CHRM3: variants seen among roughly 807,000 people sequenced by gnomAD.
CHRM3 encodes the protein muscarinic acetylcholine receptor M3.
CHRM3 carries 11 observed loss-of-function variants against 41.8 expected under a neutral mutation model. The observed-to-expected ratio is 0.26, with a 90% CI of 0.17 to 0.44. The LOEUF (loss-of-function observed/expected upper bound fraction) is 0.44. CHRM3 is among the 20% of genes least tolerant of loss of function. The pLI is 1.00. For missense variants in CHRM3, 571 were observed against 745.4 expected (o/e 0.77, Z 2.72); for synonymous variants, 297 against 301.4 (o/e 0.99, Z 0.15).
intron 3 of CHRM3, among the ~76,000 whole-genome samples, chr1:239,618,810 C>G (rs1668009733): frequency 7.2e-6 from 1 of 139,776 alleles, no homozygotes; most frequent in Admixed American, 7.3e-5. Flanking sequence ...CGCCCCTGCA[C>G]TCCAGCCTGG....
intron 2 of CHRM3, among the ~76,000 whole-genome samples, chr1:239,496,211 G>C (rs915084339): frequency 2.6e-5 from 4 of 152,096 alleles, no homozygotes; most frequent in Non-Finnish European, 4.4e-5. Context: ...GGTATCATCT[G>C]AGTATAGTCT....
chr1:239,819,144 A>C (rs957262225), intron 5 of CHRM3, among the ~76,000 whole-genome samples: 1 of 152,156 alleles, frequency 6.6e-6, no homozygotes, highest in African/African-American at 2.4e-5. Flanking sequence ...TCCCTGGCCA[A>C]GCAGATAGAT....
intron 4 of CHRM3, among the ~76,000 whole-genome samples, chr1:239,633,033 C>T (rs535708883): frequency 1.1e-4 from 17 of 152,294 alleles, no homozygotes; most frequent in African/African-American, 1.9e-4. Flanking sequence ...AGTGCAGTGG[C>T]GCCATCTCAG....
At chr1:239,529,998 C>T (rs982096411) in intron 2 of CHRM3, among the ~76,000 whole-genome samples, 1 of 151,906 alleles carries the variant, frequency 6.6e-6, no homozygotes, top group African/African-American at 2.4e-5. Flanking sequence ...CCCAGGTTCA[C>T]GCCATTATCC....
chr1:239,591,020 G>A (rs939904356), intron 3 of CHRM3, among the ~76,000 whole-genome samples: 1 of 152,148 alleles, frequency 6.6e-6, no homozygotes, highest in Non-Finnish European at 1.5e-5. Flanking sequence ...AAGTGTTAAT[G>A]CTCATTATGC....
At chr1:239,753,199 G>T (rs912430006) in intron 5 of CHRM3, among the ~76,000 whole-genome samples, 9 of 152,232 alleles carry the variant, frequency 5.9e-5, no homozygotes, top group African/African-American at 2.2e-4. Context: ...GTATAGATAG[G>T]TCATTATAAC....
At chr1:239,543,566 G>C (rs941448224) in intron 2 of CHRM3, among the ~76,000 whole-genome samples, 16 of 151,202 alleles carry the variant, frequency 1.1e-4, no homozygotes, top group African/African-American at 3.4e-4. Flanking sequence ...GGAGTGCAGT[G>C]GTGCGATCTC....
chr1:239,747,272 A>G (rs7537514), intron 5 of CHRM3, among the ~76,000 whole-genome samples: 58,276 of 152,070 alleles, frequency 0.38, 11,711 homozygotes, highest in Middle Eastern at 0.5. Context: ...AGCACCCACT[A>G]TCTGCCAGGC....
At chr1:239,799,206 C>T (rs375634215) in intron 5 of CHRM3, among the ~76,000 whole-genome samples, 3 of 152,072 alleles carry the variant, frequency 2.0e-5, no homozygotes, top group Non-Finnish European at 2.9e-5. Context: ...GCCAATGGAC[C>T]GGGAACTTAA....
At chr1:239,801,305 T>A (rs1670195254) in intron 5 of CHRM3, among the ~76,000 whole-genome samples, 1 of 152,182 alleles carries the variant, frequency 6.6e-6, no homozygotes, top group African/African-American at 2.4e-5. Context: ...TCAGCTACAG[T>A]GATTTAGGGC....
At chr1:239,478,150 G>T (rs1666589549) in intron 1 of CHRM3, among the ~76,000 whole-genome samples, 1 of 152,212 alleles carries the variant, frequency 6.6e-6, no homozygotes, top group Admixed American at 6.5e-5. Flanking sequence ...CTGGTGCTAA[G>T]TTCCCAAGTT....
intron 3 of CHRM3, among the ~76,000 whole-genome samples, chr1:239,606,700 C>CT (rs1328971990): frequency 6.6e-6 from 1 of 152,264 alleles, no homozygotes; most frequent in Admixed American, 6.5e-5. Context: ...TCCTGGTACT[C>CT]TAAGTTGATT....
chr1:239,792,665 A>G (rs536071), intron 5 of CHRM3, among the ~76,000 whole-genome samples: 55,728 of 152,104 alleles, frequency 0.37, 10,303 homozygotes, highest in Admixed American at 0.39. Flanking sequence ...GTGTTCAAAT[A>G]AAGTTATAGG....
In CHRM3 at chr1:239,908,626, C is replaced by A. The variant is rs1428536029; in HGVS notation, c.1175C>A (p.Pro392His). 3.1e-6 allele frequency: 5 copies of A among 1,610,466 alleles called. No homozygotes were observed. Among genetic ancestry groups the A allele is most frequent in the Non-Finnish European group, 4.2e-6 (5 of 1,178,384 alleles). ...CCCTCATCGGACAACCTGCAGGTGCCTGAGGAGGAGCTGGGGATGGTGGAC... is the reference window on the plus strand; with the variant it reads ...CCCTCATCGGACAACCTGCAGGTGCATGAGGAGGAGCTGGGGATGGTGGAC... ...KLPSSDNLQVPEEELGMVDLE... is the reference protein window; with the variant it reads ...KLPSSDNLQVHEEELGMVDLE... Residue 392 changes from proline to histidine, a missense_variant, in exon 7 of 7, where the codon CCT (proline) becomes CAT (histidine). Pro to His is a moderately conservative substitution (Grantham distance 77, BLOSUM62 -2). Transcript: ENST00000676153. The surrounding 1 kb of genome is among the most constrained non-coding windows in gnomAD (Gnocchi z 7.2).
rs539060579 is a variant in CHRM3, at chr1:239,481,609, G to A, written c.-520-11100G>A. Among the ~76,000 whole-genome samples, 6 of 152,262 alleles carry A rather than the reference G, an allele frequency of 3.9e-5. No homozygotes were observed. The South Asian group carries it at 1.2e-3, about 32-fold the overall frequency. On this transcript the variant is annotated intron_variant, in intron 1 of 6. Coordinates refer to ENST00000676153, the MANE Select transcript of CHRM3 (RefSeq NM_001375978.1). ...TTGTTGAACTTTCAATTAAAAGGAC[G>A]TTGGTCATGTTGAAGAGCAAAATTT...
At position 239,420,364 on chromosome 1, in the gene CHRM3, T is replaced by C. The variant is rs960586682; in HGVS notation, c.-521+33137T>C. On this transcript the variant is annotated intron_variant, in intron 1 of 6. Coordinates refer to ENST00000676153, the MANE Select transcript of CHRM3 (RefSeq NM_001375978.1). ...AGCGTACGCTGAATGAATAGACTTA[T>C]CGCTGGAGTTCTCATACCCCTTGCA... Among the ~76,000 whole-genome samples, 5 of 152,318 alleles carry C rather than the reference T, an allele frequency of 3.3e-5. No individual in the cohort carries two copies. The South Asian group carries it at 6.2e-4, about 19-fold the overall frequency.
chr1:239,702,663 C>T (rs998894068), intron 5 of CHRM3, among the ~76,000 whole-genome samples: 4 of 152,192 alleles, frequency 2.6e-5, no homozygotes, highest in East Asian at 1.9e-4. Context: ...CTGGAGTGAG[C>T]GCAGTGGCGC....
At chr1:239,591,840 T>C (rs949079856) in intron 3 of CHRM3, among the ~76,000 whole-genome samples, 2 of 152,198 alleles carry the variant, frequency 1.3e-5, no homozygotes, top group African/African-American at 4.8e-5. Context: ...GATAGCATTT[T>C]GTTTATTTTT....
intron 3 of CHRM3, among the ~76,000 whole-genome samples, chr1:239,592,523 G>A (rs796367219): frequency 3.3e-5 from 5 of 152,184 alleles, no homozygotes; most frequent in African/African-American, 7.2e-5. Flanking sequence ...ATAATAAGTG[G>A]AATAATATTC....
Sources: gnomAD v4.1 joint callset for allele counts (sites outside exome capture counted in the v4.1 genomes callset) on GRCh38, gnomAD v4.1.1 for gene constraint, Gnocchi (gnomAD v3.1) non-coding constraint, MANE v1.5 for transcripts, NCBI Gene and HGNC (gene_info 2026-07-23, HGNC 2026-07-21) for gene names.